CLCN4: variants seen among roughly 807,000 people sequenced by gnomAD.
CLCN4 encodes the protein Cl-/H+ antiporter 4.
In CLCN4, 1 loss-of-function variant was observed where a neutral mutation model predicts 41.7. That is an observed-to-expected ratio of 0.02 (90% CI 0.01 to 0.11). CLCN4 has a LOEUF of 0.11. Among genes scored for constraint, CLCN4 ranks in the 10% least tolerant of loss-of-function variants. The pLI is 1.00. For missense variants in CLCN4, 287 were observed against 661.0 expected, an observed-to-expected ratio of 0.43 and a Z score of 6.20; for synonymous variants, 277 against 285.8, an observed-to-expected ratio of 0.97 and a Z score of 0.31.
chrX:10,171,375 C>T (rs1304680450), intron 2 of CLCN4, among the ~76,000 whole-genome samples: 1 of 111,945 alleles, frequency 8.9e-6, no homozygotes, highest in African/African-American at 3.3e-5. Context: ...GCATAACTGG[C>T]TGAAGAAATA....
intron 2 of CLCN4, among the ~76,000 whole-genome samples, chrX:10,177,138 T>A (rs1187054222): frequency 8.9e-6 from 1 of 112,614 alleles, no homozygotes; most frequent in East Asian, 2.8e-4. Context: ...AAGAATAATA[T>A]TTTGCCACAC....
chrX:10,212,682 G>A (rs754395139), intron 10 of CLCN4, 29 bp downstream of exon 10: 2 of 1,167,444 alleles, frequency 1.7e-6, no homozygotes, highest in South Asian at 1.9e-5. Context: ...CAGGGAGGGG[G>A]ACCGGGGAAC....
intron 2 of CLCN4, among the ~76,000 whole-genome samples, chrX:10,183,537 T>G (rs771907982): frequency 8.9e-6 from 1 of 112,429 alleles, no homozygotes; most frequent in African/African-American, 3.2e-5. Context: ...ATTTCCATGC[T>G]CTTTGCCAAA....
chrX:10,179,774 C>T (rs1923627190), intron 2 of CLCN4, among the ~76,000 whole-genome samples: 1 of 112,572 alleles, frequency 8.9e-6, no homozygotes, highest in African/African-American at 3.2e-5. Context: ...ATGCCAGGCA[C>T]AAATTGCTTT....
At chrX:10,197,560 A>G (rs374510564) in intron 5 of CLCN4, among the ~76,000 whole-genome samples, 124 of 111,143 alleles carry the variant, frequency 1.1e-3, no homozygotes, top group African/African-American at 3.9e-3. Context: ...AGACCAAGCC[A>G]CCACAGACAA....
intron 5 of CLCN4, 130 bp downstream of exon 5, chrX:10,195,228 A>G (rs1924066295): frequency 8.3e-6 from 5 of 604,430 alleles, no homozygotes; most frequent in Non-Finnish European, 1.0e-5. Flanking sequence ...GTGGCTTAAC[A>G]CTAGATGACG....
Position 10,206,385 on chromosome X carries a change from A to T in CLCN4, c.583A>T (p.Ile195Phe). The change falls in exon 7 of 13, where the codon ATC becomes TTC. Residue 195 changes from isoleucine (I) to phenylalanine (F), a missense_variant. Ile to Phe is a conservative substitution (Grantham distance 21). Around this residue, in one of 6 missense-constraint regions of CLCN4, gnomAD observed 90 missense variants for 209.8 expected, o/e 0.43. Coordinates refer to ENST00000380833, the MANE Select transcript of CLCN4 (RefSeq NM_001830.4). The stretch of plus-strand genomic sequence containing the variant: ...AAAGACCATTTTGAGCGGCTTTATC[A>T]TCAGGGGCTACTTGGGGAAGTGGAC... ...EIKTILSGFI[I>F]RGYLGKWTLL... 8.3e-7 allele frequency: 1 copy of T among 1,210,079 alleles called. No homozygotes were observed. Among genetic ancestry groups the T allele is most frequent in the Non-Finnish European group, 1.1e-6 (1 of 894,959 alleles).
rs112652769 is a variant in CLCN4, at chrX:10,212,652, C to T, written c.1575C>T (p.Leu525=). Residue 525 remains leucine (L), a splice_region_variant and synonymous_variant, in exon 10 of 13, where the codon CTC becomes CTT. Transcript: ENST00000380833. ...LYAMVGAAAC[L]GGVTRMTVSL... Reference sequence around the variant, plus strand: ...CAATGGTGGGAGCTGCGGCCTGCCTCGGTACGACCATGGGTGGGGCAGGGA... The same window carrying T: ...CAATGGTGGGAGCTGCGGCCTGCCTTGGTACGACCATGGGTGGGGCAGGGA... 1.2e-4 allele frequency: 148 copies of T among 1,189,141 alleles called. No individual in the cohort carries two copies. In the African/African-American group the frequency reaches 1.8e-3, roughly 14 times the overall value.
At chrX:10,216,918 T>TATATATATATATATACACACACACAC (rs773265490) in intron 11 of CLCN4, among the ~76,000 whole-genome samples, 11 of 38,929 alleles carry the variant, frequency 2.8e-4, no homozygotes, top group Non-Finnish European at 3.4e-4. Flanking sequence ...TATATATATA[T>TATATATATATATATACACACACACAC]ACACACACAC....
intron 12 of CLCN4, among the ~76,000 whole-genome samples, chrX:10,231,323 G>GT (rs1482570942): frequency 1.8e-5 from 2 of 111,453 alleles, no homozygotes; most frequent in Admixed American, 1.9e-4. Flanking sequence ...CTTCTAAGAC[G>GT]TTTTCTTTAC....
chrX:10,191,819 C>T (rs764964989), intron 4 of CLCN4, among the ~76,000 whole-genome samples: 1 of 100,975 alleles, frequency 9.9e-6, no homozygotes, highest in East Asian at 3.4e-4. Flanking sequence ...GGACTACTGG[C>T]ATAAGCCACT....
intron 2 of CLCN4, among the ~76,000 whole-genome samples, chrX:10,162,013 C>CTTTT (rs34007951): frequency 3.2e-5 from 2 of 61,547 alleles, no homozygotes; most frequent in African/African-American, 6.6e-5. Context: ...CCAGTTGAGT[C>CTTTT]TTTTTTTTTT....
At chrX:10,158,825 G>A (rs1923022629) in intron 2 of CLCN4, among the ~76,000 whole-genome samples, 1 of 113,584 alleles carries the variant, frequency 8.8e-6, no homozygotes, top group Admixed American at 9.2e-5. Context: ...ACGGGGGAGG[G>A]AAAAAACCGC....
chrX:10,186,958 C>T (rs1342491787), intron 3 of CLCN4, among the ~76,000 whole-genome samples: 1 of 111,771 alleles, frequency 8.9e-6, no homozygotes, highest in Non-Finnish European at 1.9e-5. Context: ...CTCTAAAAGG[C>T]CGTGAGGGAA....
At chrX:10,205,701 G>T (rs917421316) in intron 6 of CLCN4, among the ~76,000 whole-genome samples, 1 of 105,088 alleles carries the variant, frequency 9.5e-6, no homozygotes, top group African/African-American at 3.5e-5. Context: ...TTGACCTTCC[G>T]GGCTCAAGTG....
chrX:10,198,119 C>A, intron 6 of CLCN4, 58 bp downstream of exon 6: 1 of 1,110,398 alleles, frequency 9.0e-7, no homozygotes, highest in Non-Finnish European at 1.2e-6. Context: ...TCTTCTGTAG[C>A]ACTGTCATGC....
intron 12 of CLCN4, among the ~76,000 whole-genome samples, chrX:10,227,177 G>A (rs1022426801): frequency 3.6e-5 from 4 of 110,720 alleles, no homozygotes; most frequent in Admixed American, 9.7e-5. Context: ...AACTGAACCC[G>A]GCAGCATATC....
chrX:10,207,990 G>T, intron 8 of CLCN4, 55 bp from the exon 9 acceptor site: 1 of 1,043,541 alleles, frequency 9.6e-7, no homozygotes, highest in Admixed American at 2.4e-5. Context: ...AGAGGGCTTG[G>T]CTCTGAGCAG....
At chrX:10,160,792 T>C (rs1196231880) in intron 2 of CLCN4, among the ~76,000 whole-genome samples, 1 of 111,482 alleles carries the variant, frequency 9.0e-6, no homozygotes, top group Non-Finnish European at 1.9e-5. Flanking sequence ...AAGATCTGGC[T>C]TTGACACCTA....
Sources: allele counts gnomAD v4.1 joint callset (sites outside exome capture counted in the v4.1 genomes callset), GRCh38; gene constraint gnomAD v4.1.1; regional missense constraint gnomAD v4.1.1; transcripts MANE v1.5; gene names NCBI Gene and HGNC (gene_info 2026-07-23, HGNC 2026-07-21).